The following ZZEF1 variants were observed in gnomAD, a reference collection of about 807,000 sequenced individuals.
The protein encoded by ZZEF1 is zinc finger ZZ-type and EF-hand domain containing 1, also known as zinc finger ZZ-type and EF-hand domain-containing protein 1.
Under a neutral mutation model 342.8 loss-of-function variants are expected in ZZEF1, and 157 were observed. The ratio of observed to expected loss-of-function variants is 0.46; its 90% CI spans 0.40 to 0.52. The LOEUF (loss-of-function observed/expected upper bound fraction) is 0.52, where lower values mean the gene tolerates loss of function less well. Among genes scored for constraint, ZZEF1 ranks in the 20% least tolerant of loss-of-function variants. The pLI is 0.00. For missense variants in ZZEF1, 3,480 were observed against 3,725.6 expected (o/e 0.93, Z 1.72); for synonymous variants, 1,505 against 1,429.1 (o/e 1.05, Z -1.20).
At position 4,025,024 on chromosome 17, in the gene ZZEF1, G is replaced by A. The variant is rs201107333; in HGVS notation, c.6987C>T (p.Ile2329=). The stretch of plus-strand genomic sequence containing the variant: ...TGCTGCTTTGCAGAAGGTGACTGGC[G>A]ATAAAGGCAAAGTGCTGGGAGTACT... The part of the protein sequence containing the change: ...LSQYSQHFAF[I]ASHLLQSSMD... Residue 2329 remains isoleucine, a synonymous_variant, in exon 43 of 55, where the codon ATC becomes ATT. Transcript: ENST00000381638. The A allele has an allele frequency of 2.1e-5, 34 of 1,614,180 alleles. No individual in the cohort carries two copies. The highest frequency in any genetic ancestry group is 1.5e-4 in the Admixed American group (9 of 60,008).
intron 53 of ZZEF1, 54 bp from the exon 54 acceptor site, chr17:4,009,008 T>C: frequency 2.0e-6 from 3 of 1,528,302 alleles, no homozygotes; most frequent in Non-Finnish European, 2.6e-6. Flanking sequence ...GCAGTGCAGC[T>C]CTCCCAGACC....
intron 35 of ZZEF1, 71 bp from the exon 36 acceptor site, chr17:4,051,114 G>A (rs1567795295): frequency 1.2e-6 from 2 of 1,606,838 alleles, no homozygotes; most frequent in Non-Finnish European, 1.7e-6. Flanking sequence ...AGGAGCACAG[G>A]GCCTTAGGAG....
intron 42 of ZZEF1, among the ~76,000 whole-genome samples, chr17:4,027,925 C>A (rs2056454124): frequency 6.6e-6 from 1 of 152,088 alleles, no homozygotes; most frequent in Non-Finnish European, 1.5e-5. Flanking sequence ...AGTCATCTTC[C>A]CACCTCACTC....
intron 6 of ZZEF1, 48 bp downstream of exon 6, chr17:4,109,605 A>G (rs1234845442): frequency 6.3e-7 from 1 of 1,581,324 alleles, no homozygotes; most frequent in South Asian, 1.1e-5. Context: ...GGATGATGGG[A>G]GAATGAGGGC....
chr17:4,050,162 C>T (rs2057015214), intron 36 of ZZEF1, among the ~76,000 whole-genome samples: 1 of 152,078 alleles, frequency 6.6e-6, no homozygotes, highest in South Asian at 2.1e-4. Context: ...TTATACTAGC[C>T]CCACACAATC....
At chr17:4,010,526 C>A (rs1466507788) in intron 52 of ZZEF1, among the ~76,000 whole-genome samples, 1 of 151,740 alleles carries the variant, frequency 6.6e-6, no homozygotes, top group Admixed American at 6.6e-5. Flanking sequence ...GGCCAGGAGA[C>A]CAGCCTGGCC....
Position 4,082,448 on chromosome 17 carries a change from G to C in ZZEF1, c.2703C>G (p.Cys901Trp). The change falls in exon 17 of 55, where the codon TGC becomes TGG. Residue 901 changes from cysteine (C) to tryptophan (W), a missense_variant. This residue lies in a region of ZZEF1 where 1,528 missense variants were observed against 1,624.1 expected (regional missense o/e 0.94). Coordinates refer to ENST00000381638, the MANE Select transcript of ZZEF1 (RefSeq NM_015113.4). ...QSLQLTFRSL[C>W]TYFSDKDPGG... ...AACGATCAGCTTACCTAAAATACGT[G>C]CACAGTGAACGGAAAGTGAGCTGCA... 6.2e-7 allele frequency: 1 copy of C among 1,614,086 alleles called. No homozygotes were observed. The highest frequency in any genetic ancestry group is 8.5e-7 in the Non-Finnish European group (1 of 1,179,950).
chr17:4,021,920 TAG>T (rs2056281518), intron 44 of ZZEF1, among the ~76,000 whole-genome samples: 1 of 151,246 alleles, frequency 6.6e-6, no homozygotes, highest in Non-Finnish European at 1.5e-5. Context: ...GTTTGGAATA[TAG>T]AGTTTGGAGG....
intron 1 of ZZEF1, among the ~76,000 whole-genome samples, chr17:4,137,832 G>A (rs1319837310): frequency 1.3e-5 from 2 of 152,206 alleles, no homozygotes; most frequent in African/African-American, 4.8e-5. Flanking sequence ...CTGTAGGGCT[G>A]AAAACACCAT....
intron 3 of ZZEF1, among the ~76,000 whole-genome samples, chr17:4,115,592 G>T (rs1020569356): frequency 1.3e-5 from 2 of 152,182 alleles, no homozygotes; most frequent in East Asian, 3.9e-4. Flanking sequence ...AAACCTGGGA[G>T]GTGAAGGTTT....
At chr17:4,069,785 C>T (rs758363781) in intron 26 of ZZEF1, among the ~76,000 whole-genome samples, 8 of 152,114 alleles carry the variant, frequency 5.3e-5, no homozygotes, top group African/African-American at 1.2e-4. Context: ...GAGTCAAGAT[C>T]GCGCCACTGC....
At chr17:4,102,482 T>C (rs2058143591) in intron 8 of ZZEF1, 67 bp from the exon 9 acceptor site, 5 of 1,370,032 alleles carry the variant, frequency 3.6e-6, no homozygotes, top group South Asian at 2.4e-5. Context: ...AGCATGCCTA[T>C]CTGTGGAAAT....
chr17:4,074,799 G>C (rs1486329507), intron 23 of ZZEF1, among the ~76,000 whole-genome samples: 1 of 152,254 alleles, frequency 6.6e-6, no homozygotes, highest in Non-Finnish European at 1.5e-5. Context: ...TTCTTGCTAA[G>C]GATGAAGGCT....
intron 1 of ZZEF1, among the ~76,000 whole-genome samples, chr17:4,140,844 A>G (rs2058832034): frequency 6.6e-6 from 1 of 151,776 alleles, no homozygotes; most frequent in Non-Finnish European, 1.5e-5. Context: ...CGTAGATACT[A>G]GAAAGAAGGT....
chr17:4,114,581 CAAATCTTCCTTA>C (rs970838607), intron 3 of ZZEF1, 111 bp from the exon 4 acceptor site: 11 of 895,486 alleles, frequency 1.2e-5, no homozygotes, highest in Middle Eastern at 2.7e-4. Context: ...CCTAGAAACA[CAAATCTTCCTTA>C]AAATCTCCTT....
intron 39 of ZZEF1, among the ~76,000 whole-genome samples, chr17:4,035,726 G>A (rs2056646307): frequency 3.3e-5 from 5 of 152,226 alleles, no homozygotes; most frequent in Non-Finnish European, 7.3e-5. Flanking sequence ...TAAGGAGAGT[G>A]TTGCCACTGA....
chr17:4,123,955 C>G lies in ZZEF1; in HGVS notation c.451G>C (p.Glu151Gln), dbSNP rs1270034931. ...KNSSGANLQG[E>Q]LSHIIRQLQA... ...AGTTGTCTGATGATGTGGCTCAGCT[C>G]CCCCTGAAGATTAGCTCCACTGGAA... The change falls in exon 2 of 55, where the codon GAG becomes CAG. Residue 151 changes from glutamate to glutamine, a missense_variant. By Grantham distance (29) the Glu-to-Gln change is conservative (BLOSUM62 2). Transcript: ENST00000381638. 4 of 1,613,952 alleles carry G rather than the reference C, an allele frequency of 2.5e-6. No individual in the cohort carries two copies. Among genetic ancestry groups the G allele is most frequent in the South Asian group, 1.1e-5 (1 of 91,068 alleles).
Position 4,117,066 on chromosome 17 carries a change from C to A in ZZEF1, c.600G>T (p.Met200Ile). 6.2e-7 allele frequency: 1 copy of A among 1,614,158 alleles called. No individual in the cohort carries two copies. Among genetic ancestry groups the A allele is most frequent in the Non-Finnish European group, 8.5e-7 (1 of 1,180,020 alleles). ...LHRNRLSSAV[M>I]PYPMLEHCNN... The stretch of plus-strand genomic sequence containing the variant: ...TGCAGTGCTCCAGCATCGGGTAGGG[C>A]ATCACCGCGCTGGAGAGCCGATTGC... The change falls in exon 3 of 55, where the codon ATG becomes ATT. Residue 200 changes from methionine to isoleucine, a missense_variant. Met to Ile is a conservative substitution (Grantham distance 10). Around this residue, in one of 5 missense-constraint regions of ZZEF1, gnomAD observed 416 missense variants for 374.2 expected, o/e 1.11. Coordinates refer to ENST00000381638, the MANE Select transcript of ZZEF1 (RefSeq NM_015113.4).
At position 4,045,914 on chromosome 17, in the gene ZZEF1, G is replaced by C. The variant is rs1012312659; in HGVS notation, c.6016-1540C>G. 1.4e-4 allele frequency among the ~76,000 whole-genome samples: 21 copies of C among 150,534 alleles called. No homozygotes were observed. The Admixed American group carries it at 1.4e-3, about 10-fold the overall frequency. ...GCCATCTCGGCTCACTGCAAGCTCC[G>C]CCTCCCAGGTTCAAGTGATTCTCCT... On this transcript the variant is annotated intron_variant, in intron 37 of 54. Transcript: ENST00000381638.
Sources: gnomAD v4.1 joint callset for allele counts (sites outside exome capture counted in the v4.1 genomes callset) on GRCh38, gnomAD v4.1.1 for gene constraint, gnomAD v4.1.1 regional missense constraint, MANE v1.5 for transcripts, NCBI Gene and HGNC (gene_info 2026-07-23, HGNC 2026-07-21) for gene names.